The following BMP7 variants were observed in gnomAD, a reference collection of about 807,000 sequenced individuals.
BMP7 encodes the protein bone morphogenetic protein 7.
BMP7 carries 12 observed loss-of-function variants against 41.2 expected under a neutral mutation model. That is an observed-to-expected ratio of 0.29 (90% CI 0.19 to 0.47). The LOEUF (loss-of-function observed/expected upper bound fraction) is 0.47, where lower values mean the gene tolerates loss of function less well. Among genes scored for constraint, BMP7 ranks in the 20% least tolerant of loss-of-function variants. BMP7 has a pLI of 0.99. For synonymous variants in BMP7, 248 were observed against 250.0 expected, an observed-to-expected ratio of 0.99 and a Z score of 0.07; for missense variants, 467 against 606.0, an observed-to-expected ratio of 0.77 and a Z score of 2.41.
At chr20:57,184,139 C>T (rs1482258577) in intron 3 of BMP7, among the ~76,000 whole-genome samples, 1 of 152,148 alleles carries the variant, frequency 6.6e-6, no homozygotes, top group Non-Finnish European at 1.5e-5. Context: ...TCTGGGTTTC[C>T]ATGCAAGTGG....
chr20:57,211,592 T>A (rs1984885322), intron 2 of BMP7, among the ~76,000 whole-genome samples: 1 of 152,178 alleles, frequency 6.6e-6, no homozygotes, highest in African/African-American at 2.4e-5. Flanking sequence ...GCAGATGTGA[T>A]GAAAGATTTT....
At chr20:57,191,496 G>T (rs777556470) in intron 3 of BMP7, among the ~76,000 whole-genome samples, 4 of 152,100 alleles carry the variant, frequency 2.6e-5, no homozygotes, top group African/African-American at 4.8e-5. Context: ...TCAGGAGTTT[G>T]AGACCAGCCT....
chr20:57,218,666 GTGTT>G (rs1568719074), intron 2 of BMP7, among the ~76,000 whole-genome samples: 1 of 151,378 alleles, frequency 6.6e-6, no homozygotes. Flanking sequence ...GTGGTAGCTG[GTGTT>G]TGTTCAGTGA....
chr20:57,210,933 G>A (rs1449863917), intron 2 of BMP7, among the ~76,000 whole-genome samples: 1 of 152,196 alleles, frequency 6.6e-6, no homozygotes, highest in Non-Finnish European at 1.5e-5. Flanking sequence ...ACCAGTTCTG[G>A]GCCATAATTT....
intron 5 of BMP7, among the ~76,000 whole-genome samples, chr20:57,173,749 C>T (rs896803374): frequency 5.3e-5 from 8 of 152,114 alleles, no homozygotes; most frequent in Non-Finnish European, 7.4e-5. Flanking sequence ...AAGGAGCCTC[C>T]GGTGTGAGGC....
chr20:57,218,038 T>C (rs1326155893), intron 2 of BMP7, among the ~76,000 whole-genome samples: 1 of 152,212 alleles, frequency 6.6e-6, no homozygotes, highest in African/African-American at 2.4e-5. Flanking sequence ...GACATCTGTA[T>C]CCAGGGAGAT....
At chr20:57,180,313 C>G (rs978479473) in intron 4 of BMP7, among the ~76,000 whole-genome samples, 2 of 151,546 alleles carry the variant, frequency 1.3e-5, no homozygotes, top group Non-Finnish European at 2.9e-5. Flanking sequence ...GCTTCAGCCC[C>G]CACAGCCTCC....
chr20:57,185,363 C>T (rs951006563), intron 3 of BMP7, among the ~76,000 whole-genome samples: 3 of 152,194 alleles, frequency 2.0e-5, no homozygotes, highest in Non-Finnish European at 4.4e-5. Flanking sequence ...AAGAACACAG[C>T]CTCCAAACCA....
At chr20:57,197,967 T>C (rs1014212631) in intron 3 of BMP7, among the ~76,000 whole-genome samples, 1 of 152,132 alleles carries the variant, frequency 6.6e-6, no homozygotes, top group Non-Finnish European at 1.5e-5. Context: ...AGGGCCTGGC[T>C]TGTAGGGAGG....
At chr20:57,232,350 G>T (rs566062224) in intron 1 of BMP7, among the ~76,000 whole-genome samples, 2 of 152,240 alleles carry the variant, frequency 1.3e-5, no homozygotes, top group South Asian at 4.1e-4. Flanking sequence ...CCAGAAGAAT[G>T]ACAATCAATG....
intron 3 of BMP7, among the ~76,000 whole-genome samples, chr20:57,185,706 AGGCAGG>A (rs1984193433): frequency 6.6e-6 from 1 of 152,256 alleles, no homozygotes; most frequent in African/African-American, 2.4e-5. Context: ...AGTAGGGCCC[AGGCAGG>A]TTCAAAGCCC....
In BMP7 at chr20:57,266,324, C is replaced by T. The variant is rs1188072932; in HGVS notation, c.-202G>A. 2 of 344,282 alleles carry T rather than the reference C, an allele frequency of 5.8e-6. No individual in the cohort carries two copies. Among genetic ancestry groups the T allele is most frequent in the Non-Finnish European group, 9.8e-6 (2 of 204,784 alleles). The allele number at this position is 344,282 out of a possible 1,614,324, so 21.3% of individuals were successfully genotyped here. A position where few individuals can be genotyped will look rare whatever the true frequency, so the allele number is the denominator to read the frequency against. On this transcript the variant is annotated 5_prime_UTR_variant, in exon 1 of 7. Coordinates refer to ENST00000395863, the MANE Select transcript of BMP7 (RefSeq NM_001719.3). ...CCTGCTCGGTGCTGGCCCCGGGCCC[C>T]TCGCCCCGCACTCGCCCGGGCGCAC...
rs1185357183 is a variant in BMP7 at position 57,171,297 on chromosome 20, G to C, written c.1147-189C>G. ...TCAGTTCTGGGATTATCCCTGTTTTGCAGACAAGGGAACCAAAGCATAGAG... is the reference window on the plus strand; with the variant it reads ...TCAGTTCTGGGATTATCCCTGTTTTCCAGACAAGGGAACCAAAGCATAGAG... On this transcript the variant is annotated intron_variant, in intron 6 of 6. Coordinates refer to ENST00000395863, the MANE Select transcript of BMP7 (RefSeq NM_001719.3). The surrounding 1 kb of genome is among the most constrained non-coding windows in gnomAD (Gnocchi z 4.5). 6.6e-6 allele frequency among the ~76,000 whole-genome samples: 1 copy of C among 152,196 alleles called. No individual in the cohort carries two copies. The highest frequency in any genetic ancestry group is 1.5e-5 in the Non-Finnish European group (1 of 68,030).
At position 57,266,260 on chromosome 20, in the gene BMP7, C is replaced by T; in HGVS notation, c.-138G>A. ...CCGCTGCGCCCGCGCCAGACATGGC[C>T]CCTCCCCGGCCGGCCGCGCTCTGCC... On this transcript the variant is annotated 5_prime_UTR_variant, in exon 1 of 7. Coordinates refer to ENST00000395863, the MANE Select transcript of BMP7 (RefSeq NM_001719.3). The T allele has an allele frequency of 1.2e-6, 1 of 857,448 alleles. No homozygotes were observed. The highest frequency in any genetic ancestry group is 1.6e-6 in the Non-Finnish European group (1 of 639,416). 53.1% of individuals were successfully genotyped at this position (857,448 alleles called of 1,614,324 possible).
intron 2 of BMP7, 84 bp from the exon 3 acceptor site, chr20:57,202,707 T>TG (rs2123090233): frequency 4.3e-5 from 23 of 531,524 alleles, no homozygotes; most frequent in Non-Finnish European, 5.9e-5. Context: ...CAGAGCCTCA[T>TG]GGGGTGGGAG....
chr20:57,242,594 C>T (rs1266124626), intron 1 of BMP7, among the ~76,000 whole-genome samples: 1 of 152,224 alleles, frequency 6.6e-6, no homozygotes, highest in Non-Finnish European at 1.5e-5. Flanking sequence ...CTTGGAGGCT[C>T]TATCTGTGCT....
intron 2 of BMP7, among the ~76,000 whole-genome samples, chr20:57,208,076 G>A (rs555368263): frequency 6.6e-5 from 10 of 151,878 alleles, no homozygotes; most frequent in Non-Finnish European, 1.2e-4. Flanking sequence ...TGATCCACCC[G>A]CCTCGGCCTC....
intron 2 of BMP7, among the ~76,000 whole-genome samples, chr20:57,210,288 C>T (rs377641040): frequency 1.3e-5 from 2 of 152,184 alleles, no homozygotes; most frequent in African/African-American, 2.4e-5. Context: ...CCAGGTGAAT[C>T]GGCTGAAATC....
rs2066144341 is a variant in BMP7 at position 57,259,055 on chromosome 20, A to C, written c.418+6650T>G. On this transcript the variant is annotated intron_variant, in intron 1 of 6. Coordinates refer to ENST00000395863, the MANE Select transcript of BMP7 (RefSeq NM_001719.3). The surrounding 1 kb of genome is among the most constrained non-coding windows in gnomAD (Gnocchi z 4.7). ...GCAGAGATGTTAAGTAACTTGCCCA[A>C]GGTCACACAGCTAATGTGCTGTCAT... Among the ~76,000 whole-genome samples the C allele has an allele frequency of 6.6e-6, 1 of 152,240 alleles. No individual in the cohort carries two copies. The highest frequency in any genetic ancestry group is 2.4e-5 in the African/African-American group (1 of 41,468).
Sources: gnomAD v4.1 joint callset for allele counts (sites outside exome capture counted in the v4.1 genomes callset) on GRCh38, gnomAD v4.1.1 for gene constraint, Gnocchi (gnomAD v3.1) non-coding constraint, MANE v1.5 for transcripts, NCBI Gene and HGNC (gene_info 2026-07-23, HGNC 2026-07-21) for gene names.